Variants in CCSER1 observed in about 807,000 individuals in gnomAD.
CCSER1 encodes the protein coiled-coil serine rich protein 1, also known as serine-rich coiled-coil domain-containing protein 1.
In CCSER1, 41 loss-of-function variants were observed where a neutral mutation model predicts 82.0. The ratio of observed to expected loss-of-function variants is 0.50; its 90% CI spans 0.39 to 0.65. The LOEUF is 0.65. Among genes scored for constraint, CCSER1 ranks in the 30% least tolerant of loss-of-function variants. The pLI is 0.00. For synonymous variants in CCSER1, 414 were observed against 383.9 expected (o/e 1.08, Z -0.92); for missense variants, 1,119 against 1,064.2 (o/e 1.05, Z -0.72).
chr4:91,250,797 T>C (rs1285363227), intron 10 of CCSER1, among the ~76,000 whole-genome samples: 1 of 152,000 alleles, frequency 6.6e-6, no homozygotes, highest in Non-Finnish European at 1.5e-5. Context: ...TAATATTGCT[T>C]TTCTTCCAAA....
At chr4:90,214,804 G>A (rs761691762) in intron 1 of CCSER1, among the ~76,000 whole-genome samples, 1 of 152,106 alleles carries the variant, frequency 6.6e-6, no homozygotes, top group Non-Finnish European at 1.5e-5. Context: ...AGAGGTTAAA[G>A]GATTCCCTTG....
chr4:90,726,020 T>A (rs1743576436), intron 7 of CCSER1, among the ~76,000 whole-genome samples: 1 of 151,966 alleles, frequency 6.6e-6, no homozygotes, highest in Non-Finnish European at 1.5e-5. Flanking sequence ...ATTTCAGCAC[T>A]CAACCCCATC....
chr4:91,438,952 A>G (rs529007415), intron 10 of CCSER1, among the ~76,000 whole-genome samples: 70 of 152,288 alleles, frequency 4.6e-4, no homozygotes, highest in Non-Finnish European at 1.6e-4. Context: ...AAAGAAATGA[A>G]CAAATCCTCC....
intron 1 of CCSER1, among the ~76,000 whole-genome samples, chr4:90,193,296 A>G (rs1196058643): frequency 6.6e-6 from 1 of 152,100 alleles, no homozygotes; most frequent in African/African-American, 2.4e-5. Context: ...TGCCTGGCAC[A>G]TAGTGTTCAA....
intron 7 of CCSER1, chr4:90,724,802 A>T (rs1180723682): frequency 3.7e-6 from 1 of 266,998 alleles, no homozygotes; most frequent in Non-Finnish European, 7.5e-6. Context: ...ATATTTTAAC[A>T]TACAATTATT....
chr4:91,340,714 T>A (rs1453503712), intron 10 of CCSER1, among the ~76,000 whole-genome samples: 1 of 152,194 alleles, frequency 6.6e-6, no homozygotes, highest in Non-Finnish European at 1.5e-5. Context: ...GGTGTATACA[T>A]CTGTTTAATT....
chr4:91,220,800 C>T (rs1737667749), intron 10 of CCSER1, among the ~76,000 whole-genome samples: 1 of 151,996 alleles, frequency 6.6e-6, no homozygotes. Flanking sequence ...AAAAAGATAA[C>T]TATATGAGAT....
chr4:90,383,690 G>A (rs144820135), intron 3 of CCSER1, among the ~76,000 whole-genome samples: 36 of 152,004 alleles, frequency 2.4e-4, no homozygotes, highest in Admixed American at 3.9e-4. Flanking sequence ...CCACTTACTT[G>A]TGTTATGGCC....
At chr4:91,411,320 G>A (rs1007061070) in intron 10 of CCSER1, among the ~76,000 whole-genome samples, 1 of 150,930 alleles carries the variant, frequency 6.6e-6, no homozygotes, top group Non-Finnish European at 1.5e-5. Flanking sequence ...TAGAATTTTT[G>A]ATAAGAATTT....
rs1290056416 is a variant in CCSER1 at position 90,628,091 on chromosome 4, G to A, written c.1791G>A (p.Met597Ile). 1 of 1,613,578 alleles carries A rather than the reference G, an allele frequency of 6.2e-7. No homozygotes were observed. ...CCAGGTGTTCCCACATCAGCCGAATGCCCAACAGTCCATCTGCGGATTGGC... is the reference window on the plus strand; with the variant it reads ...CCAGGTGTTCCCACATCAGCCGAATACCCAACAGTCCATCTGCGGATTGGC... The part of the protein sequence containing the change: ...QEARCSHISR[M>I]PNSPSADWPL... The change falls in exon 6 of 11, where the codon ATG becomes ATA. Residue 597 changes from methionine (M) to isoleucine (I), a missense_variant. Met to Ile is a conservative substitution (Grantham distance 10). Coordinates refer to ENST00000509176, the MANE Select transcript of CCSER1 (RefSeq NM_001145065.2).
intron 10 of CCSER1, among the ~76,000 whole-genome samples, chr4:91,125,961 T>C (rs1727475832): frequency 6.6e-6 from 1 of 151,642 alleles, no homozygotes; most frequent in African/African-American, 2.4e-5. Flanking sequence ...AAAATTTGCT[T>C]TCATGGAAAT....
intron 1 of CCSER1, among the ~76,000 whole-genome samples, chr4:90,230,567 A>G (rs939751942): frequency 1.3e-5 from 2 of 151,918 alleles, no homozygotes; most frequent in African/African-American, 2.4e-5. Context: ...AAGAACCAGA[A>G]AAGCAAGAGC....
intron 7 of CCSER1, among the ~76,000 whole-genome samples, chr4:90,779,988 G>C (rs1753528547): frequency 6.6e-6 from 1 of 152,132 alleles, no homozygotes; most frequent in Non-Finnish European, 1.5e-5. Flanking sequence ...AATAATTCTT[G>C]TGCTGCTGAA....
intron 9 of CCSER1, among the ~76,000 whole-genome samples, chr4:91,021,266 C>A (rs1424728716): frequency 1.3e-5 from 2 of 151,672 alleles, no homozygotes; most frequent in Non-Finnish European, 2.9e-5. Context: ...GATATTGTGC[C>A]AAGAGTCTGA....
intron 10 of CCSER1, among the ~76,000 whole-genome samples, chr4:91,216,952 A>T (rs1737292218): frequency 6.6e-6 from 1 of 152,154 alleles, no homozygotes; most frequent in Non-Finnish European, 1.5e-5. Flanking sequence ...TGTGTCCGGA[A>T]TTGGTGGGTT....
At chr4:91,116,143 A>G (rs1000246900) in intron 10 of CCSER1, among the ~76,000 whole-genome samples, 1 of 152,006 alleles carries the variant, frequency 6.6e-6, no homozygotes, top group African/African-American at 2.4e-5. Flanking sequence ...GCTGAGAATG[A>G]TTCACAATAG....
intron 1 of CCSER1, among the ~76,000 whole-genome samples, chr4:90,173,344 A>AC (rs1327209662): frequency 6.6e-6 from 1 of 151,650 alleles, no homozygotes; most frequent in East Asian, 1.9e-4. Context: ...TTTTTCAAAA[A>AC]AAAAATGATT....
At chr4:90,720,006 C>T (rs1742386239) in intron 6 of CCSER1, among the ~76,000 whole-genome samples, 1 of 151,952 alleles carries the variant, frequency 6.6e-6, no homozygotes, top group African/African-American at 2.4e-5. Context: ...TCTCTTCTCC[C>T]GATTTATTTG....
At chr4:91,535,043 G>C (rs1303337999) in intron 10 of CCSER1, among the ~76,000 whole-genome samples, 1 of 151,492 alleles carries the variant, frequency 6.6e-6, no homozygotes, top group Non-Finnish European at 1.5e-5. Context: ...ATTTTATTTT[G>C]TGTTACATGT....
Sources: allele counts gnomAD v4.1 joint callset (sites outside exome capture counted in the v4.1 genomes callset), GRCh38; gene constraint gnomAD v4.1.1; transcripts MANE v1.5; gene names NCBI Gene and HGNC (gene_info 2026-07-23, HGNC 2026-07-21).